The following PNPT1 variants were observed in gnomAD, a reference collection of about 807,000 sequenced individuals.
PNPT1 encodes the protein polyribonucleotide nucleotidyltransferase 1, mitochondrial.
In PNPT1, 53 loss-of-function variants were observed where a neutral mutation model predicts 119.5. The observed-to-expected ratio is 0.44, with a 90% CI of 0.36 to 0.56. The LOEUF (loss-of-function observed/expected upper bound fraction) is 0.56. PNPT1 is among the 20% of genes least tolerant of loss of function. The pLI is 0.00. For synonymous variants in PNPT1, 357 were observed against 322.1 expected (o/e 1.11, Z -1.16); for missense variants, 948 against 938.5 (o/e 1.01, Z -0.13).
Position 55,693,659 on chromosome 2 carries a change from T to G in PNPT1, c.161+4A>C. 1 of 1,614,212 alleles carries G rather than the reference T, an allele frequency of 6.2e-7. No individual in the cohort carries two copies. The highest frequency in any genetic ancestry group is 8.5e-7 in the Non-Finnish European group (1 of 1,180,022). ...CAATACAGTGAACGCACGTCACTCCTTACCTGTTGCCTAAGTCCACGGCCA... is the reference window on the plus strand; with the variant it reads ...CAATACAGTGAACGCACGTCACTCCGTACCTGTTGCCTAAGTCCACGGCCA... On this transcript the variant is annotated splice_donor_region_variant and intron_variant, in intron 1 of 27. Coordinates refer to ENST00000447944, the MANE Select transcript of PNPT1 (RefSeq NM_033109.5).
rs73942924 is a variant in PNPT1, at chr2:55,693,614, C to T, written c.161+49G>A. ...TGGGAGATGAATACGCTCAAGCTGG[C>T]TGGACAAGACACCTTATGACAATAC... On this transcript the variant is annotated intron_variant, in intron 1 of 27. Transcript: ENST00000447944. 12,314 of 1,599,764 alleles carry T rather than the reference C, an allele frequency of 7.7e-3. 661 individuals carry two copies. The African/African-American group carries it at 0.13, about 17-fold the overall frequency.
chr2:55,691,562 T>A (rs898748762), intron 1 of PNPT1, among the ~76,000 whole-genome samples: 7 of 152,160 alleles, frequency 4.6e-5, no homozygotes, highest in Admixed American at 1.3e-4. Flanking sequence ...GATTAATAAA[T>A]GAAAGAGTCA....
intron 18 of PNPT1, among the ~76,000 whole-genome samples, chr2:55,648,752 A>G (rs1406701500): frequency 1.3e-5 from 2 of 152,126 alleles, no homozygotes; most frequent in African/African-American, 4.8e-5. Flanking sequence ...AATAACATAT[A>G]AATAAAATAT....
At chr2:55,646,607 A>C (rs1170236533) in intron 19 of PNPT1, 121 bp from the exon 20 acceptor site, 1 of 708,768 alleles carries the variant, frequency 1.4e-6, no homozygotes, top group Non-Finnish European at 2.3e-6. Flanking sequence ...CCAAACACAA[A>C]GCAATGTTTT....
chr2:55,684,482 G>A (rs545832541), intron 4 of PNPT1, among the ~76,000 whole-genome samples: 26 of 152,262 alleles, frequency 1.7e-4, no homozygotes, highest in Admixed American at 1.0e-3. Flanking sequence ...GCAATTTCTG[G>A]GTAGAAGAGC....
At chr2:55,641,173 G>A (rs35635585) in intron 25 of PNPT1, among the ~76,000 whole-genome samples, 1 of 152,038 alleles carries the variant, frequency 6.6e-6, no homozygotes, top group African/African-American at 2.4e-5. Context: ...GCAGTGAGCC[G>A]AGATCGTGCC....
At chr2:55,672,454 A>G (rs1193408535) in intron 9 of PNPT1, among the ~76,000 whole-genome samples, 2 of 152,210 alleles carry the variant, frequency 1.3e-5, no homozygotes, top group Non-Finnish European at 2.9e-5. Context: ...GAAAGTATTA[A>G]CCTTTTCAAT....
intron 1 of PNPT1, among the ~76,000 whole-genome samples, chr2:55,689,503 A>C (rs1697524088): frequency 1.3e-5 from 2 of 152,260 alleles, no homozygotes; most frequent in Admixed American, 6.5e-5. Flanking sequence ...GGTATAATCC[A>C]TACAACTGAT....
At chr2:55,656,255 T>C in intron 16 of PNPT1, 35 bp from the exon 17 acceptor site, 13 of 1,611,370 alleles carry the variant, frequency 8.1e-6, no homozygotes, top group Non-Finnish European at 1.1e-5. Context: ...GTAAAAAATG[T>C]ATTAAGTCTC....
At chr2:55,666,492 G>A (rs1696738170) in intron 13 of PNPT1, among the ~76,000 whole-genome samples, 1 of 152,106 alleles carries the variant, frequency 6.6e-6, no homozygotes, top group South Asian at 2.1e-4. Flanking sequence ...ATTTTAAACA[G>A]CATAGTTTAT....
chr2:55,676,255 T>C (rs186539085), intron 8 of PNPT1, among the ~76,000 whole-genome samples: 7 of 92,532 alleles, frequency 7.6e-5, no homozygotes, highest in Admixed American at 3.1e-4. Context: ...TAAGACTCCA[T>C]CTCAACCAAA....
chr2:55,687,296 T>C (rs1292249968), intron 2 of PNPT1, among the ~76,000 whole-genome samples: 1 of 150,948 alleles, frequency 6.6e-6, no homozygotes, highest in East Asian at 1.9e-4. Context: ...AAAAATTAGC[T>C]GGGTGTGGTG....
Position 55,657,801 on chromosome 2 carries a change from C to G in PNPT1, c.1285-1430G>C, listed in dbSNP as rs1696434513. On this transcript the variant is annotated intron_variant, in intron 15 of 27. Transcript: ENST00000447944. ...ACCATGAGTGTACAATCAGCAACAC[C>G]CAGACTGTGGGAGACTATAAGTCAA... 2.4e-5 allele frequency among the ~76,000 whole-genome samples: 3 copies of G among 124,348 alleles called. No individual in the cohort carries two copies. In the South Asian group the frequency reaches 7.8e-4, roughly 32 times the overall value. The allele number at this position is 124,348 out of a possible 152,430, so 81.6% of individuals were successfully genotyped here. A position where few individuals can be genotyped will look rare whatever the true frequency, so the allele number is the denominator to read the frequency against.
chr2:55,650,079 G>A (rs12999966), intron 18 of PNPT1, among the ~76,000 whole-genome samples: 46,507 of 151,034 alleles, frequency 0.31, 7,228 homozygotes, highest in South Asian at 0.39. Context: ...TTTTATGTTG[G>A]GGAAAGAAGG....
chr2:55,677,616 A>G (rs1013820802), intron 8 of PNPT1, among the ~76,000 whole-genome samples: 1 of 150,682 alleles, frequency 6.6e-6, no homozygotes, highest in Non-Finnish European at 1.5e-5. Flanking sequence ...AAAAAAAAAA[A>G]AAAAAAGATT....
At chr2:55,665,641 G>A (rs942089030) in intron 13 of PNPT1, among the ~76,000 whole-genome samples, 2 of 150,058 alleles carry the variant, frequency 1.3e-5, no homozygotes, top group African/African-American at 2.5e-5. Context: ...AACTCTAGGG[G>A]ACAACATTCA....
chr2:55,690,697 T>G (rs1387591842), intron 1 of PNPT1, among the ~76,000 whole-genome samples: 2 of 151,794 alleles, frequency 1.3e-5, no homozygotes, highest in African/African-American at 4.8e-5. Flanking sequence ...GAAATATTAG[T>G]TTTTTTTTAA....
chr2:55,680,498 A>T (rs1409803306), intron 7 of PNPT1, among the ~76,000 whole-genome samples: 1 of 152,168 alleles, frequency 6.6e-6, no homozygotes, highest in East Asian at 1.9e-4. Flanking sequence ...AGGGACATAA[A>T]ATCTGTAATA....
chr2:55,663,996 GA>G (rs1178968860), intron 13 of PNPT1, among the ~76,000 whole-genome samples: 10 of 151,944 alleles, frequency 6.6e-5, no homozygotes, highest in Non-Finnish European at 1.3e-4. Context: ...CCCAAAAAAA[GA>G]AAACTCATAG....
Sources: allele counts gnomAD v4.1 joint callset (sites outside exome capture counted in the v4.1 genomes callset), GRCh38; gene constraint gnomAD v4.1.1; transcripts MANE v1.5; gene names NCBI Gene and HGNC (gene_info 2026-07-23, HGNC 2026-07-21).